SDHAF3: variants seen among roughly 807,000 people sequenced by gnomAD.
The protein encoded by SDHAF3 is succinate dehydrogenase assembly factor 3, mitochondrial.
Under a neutral mutation model 11.5 loss-of-function variants are expected in SDHAF3, and 18 were observed. The observed-to-expected ratio is 1.56, with a 90% CI of 1.08 to 2.32. The LOEUF (loss-of-function observed/expected upper bound fraction) is 2.32. SDHAF3 is among the 30% of genes most tolerant of loss of function. The pLI, the probability that SDHAF3 is intolerant of heterozygous loss-of-function variation, is 0.00. For missense variants in SDHAF3, 200 were observed against 154.4 expected, an observed-to-expected ratio of 1.30 and a Z score of -1.57; for synonymous variants, 72 against 59.3, an observed-to-expected ratio of 1.21 and a Z score of -0.99.
intron 1 of SDHAF3, 98 bp from the exon 2 acceptor site, chr7:97,180,914 T>G: frequency 4.0e-6 from 4 of 1,011,906 alleles, no homozygotes; most frequent in Non-Finnish European, 5.7e-6. Context: ...CATTTACTGA[T>G]GAGGAAAAAT....
chr7:97,150,448 T>C lies in SDHAF3; in HGVS notation c.175-30564T>C, dbSNP rs372170445. 6.1e-4 allele frequency among the ~76,000 whole-genome samples: 93 copies of C among 152,304 alleles called. 1 individual carries two copies. In the South Asian group the frequency reaches 0.019, roughly 31 times the overall value. ...ATCCGTGGGGCTACATAATGGTTGT[T>C]GTATTAGTAGGCATGAAAACATTAT... On this transcript the variant is annotated intron_variant, in intron 1 of 1. Coordinates refer to ENST00000432641, the MANE Select transcript of SDHAF3 (RefSeq NM_020186.3).
chr7:97,154,576 G>T (rs1263333189), intron 1 of SDHAF3, among the ~76,000 whole-genome samples: 1 of 151,770 alleles, frequency 6.6e-6, no homozygotes, highest in Non-Finnish European at 1.5e-5. Context: ...GCTGTAGTTT[G>T]TTTTTTTATC....
At chr7:97,166,390 G>A (rs1365056070) in intron 1 of SDHAF3, among the ~76,000 whole-genome samples, 1 of 152,008 alleles carries the variant, frequency 6.6e-6, no homozygotes, top group African/African-American at 2.4e-5. Context: ...CCAGGTCATA[G>A]GGGGAATTCA....
chr7:97,127,858 G>T (rs1357758762), intron 1 of SDHAF3, among the ~76,000 whole-genome samples: 1 of 148,214 alleles, frequency 6.7e-6, no homozygotes, highest in Non-Finnish European at 1.5e-5. Flanking sequence ...ATGGTTTATT[G>T]AATGGTGATT....
At chr7:97,148,274 A>G (rs1182897738) in intron 1 of SDHAF3, among the ~76,000 whole-genome samples, 3 of 152,154 alleles carry the variant, frequency 2.0e-5, no homozygotes, top group East Asian at 1.9e-4. Flanking sequence ...GTGGCTTGCA[A>G]CTATAATCCT....
At position 97,181,230 on chromosome 7, in the gene SDHAF3, C is replaced by T. The variant is rs1789769250; in HGVS notation, c.*15C>T. On this transcript the variant is annotated 3_prime_UTR_variant, in exon 2 of 2. Transcript: ENST00000432641. ...CAAAATTTTAGTCTATACAACAAAG[C>T]TTAATAAGACATGCAAAAATTTAGA... 6.4e-7 allele frequency: 1 copy of T among 1,572,480 alleles called. No homozygotes were observed. Among genetic ancestry groups the T allele is most frequent in the Middle Eastern group, 1.7e-4 (1 of 5,862 alleles).
intron 1 of SDHAF3, among the ~76,000 whole-genome samples, chr7:97,127,867 T>C (rs1326160384): frequency 6.6e-6 from 1 of 151,804 alleles, no homozygotes; most frequent in Non-Finnish European, 1.5e-5. Flanking sequence ...TGAATGGTGA[T>C]TTGTCACACA....
intron 1 of SDHAF3, among the ~76,000 whole-genome samples, chr7:97,146,067 G>T (rs1276729589): frequency 1.3e-5 from 2 of 151,906 alleles, no homozygotes; most frequent in African/African-American, 4.8e-5. Context: ...ACCTGGAAAA[G>T]ATAAAAATAG....
intron 1 of SDHAF3, among the ~76,000 whole-genome samples, chr7:97,173,275 A>AT (rs1333223532): frequency 5.3e-5 from 8 of 152,338 alleles, no homozygotes; most frequent in African/African-American, 1.9e-4. Flanking sequence ...TAAGTTACAT[A>AT]TGAATATGTA....
intron 1 of SDHAF3, among the ~76,000 whole-genome samples, chr7:97,165,240 T>C (rs1379707213): frequency 6.6e-6 from 1 of 152,026 alleles, no homozygotes; most frequent in Non-Finnish European, 1.5e-5. Flanking sequence ...TGAGCCGAGA[T>C]CGTGCCACTG....
chr7:97,117,714 G>A lies in SDHAF3; in HGVS notation c.-10G>A, dbSNP rs373469852. On this transcript the variant is annotated 5_prime_UTR_variant, in exon 1 of 2. It adds an upstream start codon to the 5' untranslated region. Transcript: ENST00000432641. ...TGCGCAGGCGCAGTCGGCGGTCGGC[G>A]TGGGGCGCTATGCCGGGGCGGCACG... is the stretch of plus-strand genomic sequence containing the variant. 208 of 1,609,036 alleles carry A rather than the reference G, an allele frequency of 1.3e-4. No homozygotes were observed. The highest frequency in any genetic ancestry group is 1.7e-4 in the Non-Finnish European group (201 of 1,177,402).
intron 1 of SDHAF3, among the ~76,000 whole-genome samples, chr7:97,143,665 C>CTGTGTGTGTGTGTGTG (rs3029495): frequency 6.8e-6 from 1 of 147,948 alleles, no homozygotes; most frequent in African/African-American, 2.5e-5. Context: ...TAGTGTTCCA[C>CTGTGTGTGTGTGTGTG]TGTGTGTGTG....
Position 97,142,890 on chromosome 7 carries a change from C to CTTT in SDHAF3, c.174+25016_174+25018dup, listed in dbSNP as rs35198717. On this transcript the variant is annotated intron_variant, in intron 1 of 1. Coordinates refer to ENST00000432641, the MANE Select transcript of SDHAF3 (RefSeq NM_020186.3). ...TACAGGATTATTTTCTTCTTAAATT[C>CTTT]TTTTTTTTTTTTTTTTTTTTTTTTT... The CTTT allele has an allele frequency of 2.8e-3, 248 of 87,048 alleles. 3 individuals carry two copies. The highest frequency in any genetic ancestry group is 7.6e-3 in the Middle Eastern group (1 of 132). The allele number at this position is 87,048 out of a possible 1,614,324, so 5.4% of individuals were successfully genotyped here. A position where few individuals can be genotyped will look rare whatever the true frequency, so the allele number is the denominator to read the frequency against.
chr7:97,180,078 G>T (rs1465086492), intron 1 of SDHAF3, among the ~76,000 whole-genome samples: 4 of 152,226 alleles, frequency 2.6e-5, no homozygotes, highest in Non-Finnish European at 5.9e-5. Context: ...CACTTGTGCA[G>T]ATGGGGATAG....
At chr7:97,132,324 TG>T (rs1445020298) in intron 1 of SDHAF3, among the ~76,000 whole-genome samples, 4 of 152,188 alleles carry the variant, frequency 2.6e-5, no homozygotes, top group Non-Finnish European at 5.9e-5. Context: ...TGTTGAGTTT[TG>T]TAAATGAAAT....
intron 1 of SDHAF3, among the ~76,000 whole-genome samples, chr7:97,119,253 A>G (rs1463551313): frequency 6.6e-6 from 1 of 152,214 alleles, no homozygotes; most frequent in African/African-American, 2.4e-5. Flanking sequence ...CAGGAAGGAG[A>G]GTAGCTCTCT....
intron 1 of SDHAF3, among the ~76,000 whole-genome samples, chr7:97,131,731 T>G (rs1016477211): frequency 6.6e-6 from 1 of 152,196 alleles, no homozygotes; most frequent in African/African-American, 2.4e-5. Context: ...AAGAACTTAT[T>G]TAGCTCAATA....
intron 1 of SDHAF3, among the ~76,000 whole-genome samples, chr7:97,145,936 T>G (rs549586869): frequency 3.9e-5 from 6 of 152,116 alleles, no homozygotes; most frequent in Non-Finnish European, 8.8e-5. Context: ...CACATGATTG[T>G]TTTTGAGTAA....
chr7:97,173,578 AC>A (rs1789637229), intron 1 of SDHAF3, among the ~76,000 whole-genome samples: 1 of 147,074 alleles, frequency 6.8e-6, no homozygotes, highest in Non-Finnish European at 1.5e-5. Flanking sequence ...TGAGAGTCTC[AC>A]TCTCTCTCTC....
Sources: allele counts gnomAD v4.1 joint callset (sites outside exome capture counted in the v4.1 genomes callset), GRCh38; gene constraint gnomAD v4.1.1; transcripts MANE v1.5; gene names NCBI Gene and HGNC (gene_info 2026-07-23, HGNC 2026-07-21).